Variants in DLC1 observed in about 807,000 individuals in gnomAD.
The protein encoded by DLC1 is DLC1 Rho GTPase activating protein.
In DLC1, 54 loss-of-function variants were observed where a neutral mutation model predicts 140.3. The ratio of observed to expected loss-of-function variants is 0.38; its 90% CI spans 0.31 to 0.48. The LOEUF (loss-of-function observed/expected upper bound fraction) is 0.48, where lower values mean the gene tolerates loss of function less well. Ranked by LOEUF, DLC1 falls within the 20% of genes least tolerant of loss-of-function variation. The pLI is 0.96. For missense variants in DLC1, 2,536 were observed against 1,907.0 expected (o/e 1.33, Z -6.14); for synonymous variants, 986 against 728.1 (o/e 1.35, Z -5.70).
intron 1 of DLC1, among the ~76,000 whole-genome samples, chr8:13,525,336 T>G (rs1802887280): frequency 6.6e-6 from 1 of 152,224 alleles, no homozygotes; most frequent in Non-Finnish European, 1.5e-5. Flanking sequence ...TATACATTCT[T>G]TAATTTCCTT....
At chr8:13,377,310 T>C (rs79181844) in intron 4 of DLC1, among the ~76,000 whole-genome samples, 3,546 of 152,298 alleles carry the variant, frequency 0.023, 73 homozygotes, top group South Asian at 0.085. Context: ...CATATGTATA[T>C]AAAAACTAGC....
intron 1 of DLC1, among the ~76,000 whole-genome samples, chr8:13,537,068 T>C (rs181394549): frequency 6.6e-6 from 1 of 152,314 alleles, no homozygotes; most frequent in African/African-American, 2.4e-5. Context: ...GTTGTATATT[T>C]CTGAATCTTT....
chr8:13,223,770 T>C (rs1463513259), intron 5 of DLC1, among the ~76,000 whole-genome samples: 2 of 152,206 alleles, frequency 1.3e-5, no homozygotes, highest in African/African-American at 4.8e-5. Flanking sequence ...ATTTGAACAA[T>C]TTATTTTAGC....
intron 5 of DLC1, among the ~76,000 whole-genome samples, chr8:13,253,678 C>T (rs774385285): frequency 1.3e-5 from 2 of 152,198 alleles, no homozygotes; most frequent in Non-Finnish European, 2.9e-5. Context: ...TTAATCTTAG[C>T]AAGTCCTGGA....
chr8:13,098,488 G>C lies in DLC1; in HGVS notation c.3078C>G (p.Ala1026=), dbSNP rs1818699356. Residue 1026 remains alanine (A), a synonymous_variant, in exon 10 of 18, where the codon GCC becomes GCG. Coordinates refer to ENST00000276297, the MANE Select transcript of DLC1 (RefSeq NM_182643.3). ...AGTATTTCTGCAGCAGGTTCATCTG[G>C]GCCACAGACTGGCAGTTAATCTGTA... The part of the protein sequence containing the change: ...VSLQINCQSV[A]QMNLLQKYSL... 2 of 1,614,200 alleles carry C rather than the reference G, an allele frequency of 1.2e-6. No individual in the cohort carries two copies. The highest frequency in any genetic ancestry group is 1.7e-6 in the Non-Finnish European group (2 of 1,180,040).
chr8:13,364,184 C>G (rs1342487982), intron 4 of DLC1, among the ~76,000 whole-genome samples: 1 of 152,194 alleles, frequency 6.6e-6, no homozygotes, highest in South Asian at 2.1e-4. Flanking sequence ...CAGTAACACA[C>G]TGAACTCTAC....
intron 4 of DLC1, among the ~76,000 whole-genome samples, chr8:13,317,881 G>A (rs1181682068): frequency 1.3e-5 from 2 of 152,132 alleles, no homozygotes; most frequent in African/African-American, 4.8e-5. Context: ...GAATAACTAG[G>A]AAAAGTGATG....
intron 5 of DLC1, among the ~76,000 whole-genome samples, chr8:13,296,661 C>T (rs1202534695): frequency 6.6e-6 from 1 of 152,088 alleles, no homozygotes; most frequent in Non-Finnish European, 1.5e-5. Flanking sequence ...AGCACCTACT[C>T]TGTGCAAGAT....
At chr8:13,334,721 A>G (rs1357643371) in intron 4 of DLC1, among the ~76,000 whole-genome samples, 1 of 152,222 alleles carries the variant, frequency 6.6e-6, no homozygotes, top group Non-Finnish European at 1.5e-5. Flanking sequence ...TCTTGGCTGA[A>G]AATCTGGTGT....
chr8:13,364,353 C>T (rs1835383658), intron 4 of DLC1, among the ~76,000 whole-genome samples: 1 of 150,240 alleles, frequency 6.7e-6, no homozygotes, highest in Admixed American at 6.6e-5. Context: ...GGTTGGAGTG[C>T]AGTGGCATGA....
chr8:13,097,053 A>G (rs1818557585), intron 10 of DLC1, among the ~76,000 whole-genome samples: 1 of 152,098 alleles, frequency 6.6e-6, no homozygotes, highest in African/African-American at 2.4e-5. Flanking sequence ...CTCACATTCT[A>G]TATACTAAGG....
intron 1 of DLC1, among the ~76,000 whole-genome samples, chr8:13,569,560 G>A (rs1333255824): frequency 6.6e-6 from 1 of 151,800 alleles, no homozygotes; most frequent in East Asian, 1.9e-4. Context: ...CCCATTAAAG[G>A]GCATGCTCCA....
At chr8:13,506,100 CAT>C (rs1045817263) in intron 1 of DLC1, among the ~76,000 whole-genome samples, 3 of 145,894 alleles carry the variant, frequency 2.1e-5, no homozygotes, top group African/African-American at 7.5e-5. Context: ...ACATGTGATA[CAT>C]ATATGTGTGT....
intron 4 of DLC1, among the ~76,000 whole-genome samples, chr8:13,329,893 T>C (rs1729097): frequency 0.15 from 23,128 of 152,078 alleles, 2,538 homozygotes; most frequent in East Asian, 0.41. Flanking sequence ...AGTCCATGTT[T>C]AATACTTAGG....
At chr8:13,099,309 C>A in intron 9 of DLC1, 38 bp downstream of exon 9, 1 of 1,582,084 alleles carries the variant, frequency 6.3e-7, no homozygotes, top group Non-Finnish European at 8.6e-7. Flanking sequence ...TTCTGACCCC[C>A]AGTGCCCCAC....
At chr8:13,498,960 A>G (rs534066867) in intron 2 of DLC1, 89 bp downstream of exon 2, 4 of 1,439,996 alleles carry the variant, frequency 2.8e-6, no homozygotes, top group East Asian at 4.6e-5. Context: ...CCATCTTCAT[A>G]TCTTTTTAAT....
chr8:13,100,761 A>T lies in DLC1; in HGVS notation c.1576T>A (p.Ser526Thr). 1 of 1,563,714 alleles carries T rather than the reference A, an allele frequency of 6.4e-7. No individual in the cohort carries two copies. The highest frequency in any genetic ancestry group is 8.6e-7 in the Non-Finnish European group (1 of 1,156,402). ...ATGGCACAAGGCTCATCCTCGTCTGAATCGTCACTCTGCAAAGACAGAAAG... is the reference window on the plus strand; with the variant it reads ...ATGGCACAAGGCTCATCCTCGTCTGTATCGTCACTCTGCAAAGACAGAAAG... ...ISPHRKRSDD[S>T]DEDEPCAISG... The change falls in exon 9 of 18, where the codon TCA becomes ACA. Residue 526 changes from serine to threonine, a missense_variant. Ser to Thr is a moderately conservative substitution (Grantham distance 58). Transcript: ENST00000276297.
In DLC1 at chr8:13,099,898, G is replaced by C; in HGVS notation, c.2439C>G (p.His813Gln). 1 of 1,614,168 alleles carries C rather than the reference G, an allele frequency of 6.2e-7. No individual in the cohort carries two copies. The highest frequency in any genetic ancestry group is 8.5e-7 in the Non-Finnish European group (1 of 1,180,044). Residue 813 changes from histidine to glutamine, a missense_variant, in exon 9 of 18, where the codon CAC becomes CAG. Coordinates refer to ENST00000276297, the MANE Select transcript of DLC1 (RefSeq NM_182643.3). The stretch of plus-strand genomic sequence containing the variant: ...GAGCTTTGGGGAAAGTGCCAGGCTT[G>C]TGATCTTCAGGGATGTAGAACACCG... ...EDTVFYIPED[H>Q]KPGTFPKALT...
At chr8:13,406,212 G>T (rs1361703534) in intron 2 of DLC1, among the ~76,000 whole-genome samples, 2 of 129,788 alleles carry the variant, frequency 1.5e-5, no homozygotes, top group East Asian at 2.1e-4. Flanking sequence ...TGGAGACAGG[G>T]TTTCACTGTG....
Sources: allele counts gnomAD v4.1 joint callset (sites outside exome capture counted in the v4.1 genomes callset), GRCh38; gene constraint gnomAD v4.1.1; transcripts MANE v1.5; gene names NCBI Gene and HGNC (gene_info 2026-07-23, HGNC 2026-07-21).